Variants in MEF2A observed in about 807,000 individuals in gnomAD.
The protein encoded by MEF2A is myocyte enhancer factor 2A.
MEF2A carries 28 observed loss-of-function variants against 55.8 expected under a neutral mutation model. That is an observed-to-expected ratio of 0.50 (90% CI 0.37 to 0.69). The LOEUF (loss-of-function observed/expected upper bound fraction) is 0.69. Among genes scored for constraint, MEF2A ranks in the 30% least tolerant of loss-of-function variants. MEF2A has a pLI of 0.00. For synonymous variants in MEF2A, 239 were observed against 227.1 expected, an observed-to-expected ratio of 1.05 and a Z score of -0.47; for missense variants, 528 against 626.2, an observed-to-expected ratio of 0.84 and a Z score of 1.67.
At chr15:99,629,669 C>A (rs181598250) in intron 2 of MEF2A, among the ~76,000 whole-genome samples, 2 of 151,870 alleles carry the variant, frequency 1.3e-5, no homozygotes, top group Admixed American at 1.3e-4. Context: ...GGGAAAAAGG[C>A]CGGGGTGGGG....
intron 1 of MEF2A, among the ~76,000 whole-genome samples, chr15:99,573,078 G>A (rs1962995894): frequency 6.6e-6 from 1 of 152,102 alleles, no homozygotes; most frequent in African/African-American, 2.4e-5. Flanking sequence ...CACGAGGTCA[G>A]GAGATCGAGA....
At chr15:99,616,051 G>T (rs2153225623) in intron 2 of MEF2A, among the ~76,000 whole-genome samples, 1 of 152,172 alleles carries the variant, frequency 6.6e-6, no homozygotes, top group South Asian at 2.1e-4. Flanking sequence ...AACACAATTA[G>T]ATTTAGTGGT....
chr15:99,655,504 T>A (rs1378808932), intron 4 of MEF2A, among the ~76,000 whole-genome samples: 1 of 152,058 alleles, frequency 6.6e-6, no homozygotes, highest in Non-Finnish European at 1.5e-5. Context: ...TTTAGAGGGG[T>A]GTTTAAAAGT....
intron 1 of MEF2A, among the ~76,000 whole-genome samples, chr15:99,594,552 C>G (rs1567183219): frequency 6.7e-6 from 1 of 148,264 alleles, no homozygotes; most frequent in Non-Finnish European, 1.5e-5. Flanking sequence ...AACCTTCAGT[C>G]TCTCTCCCCT....
chr15:99,611,416 T>C (rs866013974), intron 2 of MEF2A, among the ~76,000 whole-genome samples: 18 of 152,132 alleles, frequency 1.2e-4, no homozygotes, highest in Admixed American at 1.3e-4. Context: ...AATAGGCACA[T>C]GAAAAGATGC....
intron 4 of MEF2A, among the ~76,000 whole-genome samples, chr15:99,659,881 G>C (rs1304030974): frequency 6.6e-6 from 1 of 152,102 alleles, no homozygotes; most frequent in African/African-American, 2.4e-5. Context: ...TTTAACAAAT[G>C]TAATAAAGAA....
At chr15:99,648,344 T>C (rs951889224) in intron 4 of MEF2A, among the ~76,000 whole-genome samples, 4 of 152,154 alleles carry the variant, frequency 2.6e-5, no homozygotes, top group Non-Finnish European at 5.9e-5. Context: ...AGAATATTCT[T>C]CCTACCCATA....
chr15:99,622,233 A>G (rs2041303891), intron 2 of MEF2A, among the ~76,000 whole-genome samples: 1 of 152,160 alleles, frequency 6.6e-6, no homozygotes. Flanking sequence ...TATTCAGTTT[A>G]AAGTAATTTT....
chr15:99,678,871 T>C (rs2052648948), intron 7 of MEF2A: 1 of 169,224 alleles, frequency 5.9e-6, no homozygotes, highest in African/African-American at 2.4e-5. Flanking sequence ...ATACAATCAA[T>C]AGAGAGGTTT....
chr15:99,602,106 C>G (rs920391825), intron 2 of MEF2A, among the ~76,000 whole-genome samples: 1 of 151,862 alleles, frequency 6.6e-6, no homozygotes, highest in Non-Finnish European at 1.5e-5. Flanking sequence ...AAGGAGAGAC[C>G]GAGGCAAGTT....
chr15:99,712,370 C>CT lies in MEF2A; in HGVS notation c.1137-19dup. On this transcript the variant is annotated intron_variant, in intron 11 of 11. Transcript: ENST00000557942. The surrounding 1 kb of genome is among the most constrained non-coding windows in gnomAD (Gnocchi z 4.1). ...GAGGTACTTGCAAGCCATCTGACCTCTCTCTTTTTTTTCCTTCAGTGCTGG... is the reference window on the plus strand; with the variant it reads ...GAGGTACTTGCAAGCCATCTGACCTCTTCTCTTTTTTTTCCTTCAGTGCTGG... 6.6e-7 allele frequency: 1 copy of CT among 1,508,998 alleles called. No homozygotes were observed. Among genetic ancestry groups the CT allele is most frequent in the East Asian group, 2.5e-5 (1 of 40,442 alleles). The allele number at this position is 1,508,998 out of a possible 1,614,324, so 93.5% of individuals were successfully genotyped here.
intron 8 of MEF2A, among the ~76,000 whole-genome samples, chr15:99,701,109 C>G (rs1260395753): frequency 1.3e-5 from 2 of 152,196 alleles, no homozygotes; most frequent in Non-Finnish European, 1.5e-5. Flanking sequence ...CAGAATGTCT[C>G]TTCCCCAATA....
At chr15:99,662,767 C>T (rs914704487) in intron 4 of MEF2A, among the ~76,000 whole-genome samples, 18 of 152,206 alleles carry the variant, frequency 1.2e-4, no homozygotes, top group African/African-American at 3.9e-4. Context: ...CATGAGCCAC[C>T]GCGCCCGGCC....
chr15:99,673,858 C>A (rs2051357867), intron 5 of MEF2A, among the ~76,000 whole-genome samples: 1 of 149,526 alleles, frequency 6.7e-6, no homozygotes. Flanking sequence ...TATATAATTA[C>A]TTTTTTTTTT....
Position 99,588,998 on chromosome 15 carries a change from A to G in MEF2A, c.-224-9432A>G, listed in dbSNP as rs945761538. ...TTAAGAATGTTTGCCTCTATACCCA[A>G]GTGACACTGGTATGAAGTTTCTTTT... On this transcript the variant is annotated intron_variant, in intron 1 of 11. Transcript: ENST00000557942. Among the ~76,000 whole-genome samples the G allele has an allele frequency of 4.6e-5, 7 of 152,148 alleles. No individual in the cohort carries two copies. The East Asian group carries it at 5.8e-4, about 13-fold the overall frequency.
At chr15:99,674,676 A>T in intron 6 of MEF2A, 64 bp downstream of exon 6, 2 of 1,321,392 alleles carry the variant, frequency 1.5e-6, no homozygotes, top group East Asian at 2.3e-5. Context: ...CATTGCTAAC[A>T]TAAGCAGTTT....
At chr15:99,597,805 A>G (rs1971743603) in intron 1 of MEF2A, among the ~76,000 whole-genome samples, 2 of 152,162 alleles carry the variant, frequency 1.3e-5, no homozygotes, top group African/African-American at 4.8e-5. Context: ...ACCTACATGA[A>G]TATTGGGGCA....
intron 4 of MEF2A, among the ~76,000 whole-genome samples, chr15:99,652,032 T>C (rs566354813): frequency 1.6e-4 from 24 of 152,214 alleles, no homozygotes; most frequent in Non-Finnish European, 3.4e-4. Context: ...TCAGATAAAG[T>C]GTTCCTTTTT....
At chr15:99,668,869 C>T (rs529942808) in intron 4 of MEF2A, among the ~76,000 whole-genome samples, 21 of 152,088 alleles carry the variant, frequency 1.4e-4, no homozygotes, top group African/African-American at 2.7e-4. Context: ...GTAGTTGGGT[C>T]CTCAAAACAA....
Sources: allele counts gnomAD v4.1 joint callset (sites outside exome capture counted in the v4.1 genomes callset), GRCh38; gene constraint gnomAD v4.1.1; non-coding constraint Gnocchi (gnomAD v3.1); transcripts MANE v1.5; gene names NCBI Gene and HGNC (gene_info 2026-07-23, HGNC 2026-07-21).